The following DAPK2 variants were observed in gnomAD, a reference collection of about 807,000 sequenced individuals.
The protein encoded by DAPK2 is death-associated protein kinase 2.
A neutral mutation model predicts 44.1 loss-of-function variants in DAPK2; 35 were observed. The ratio of observed to expected loss-of-function variants is 0.79; its 90% CI spans 0.61 to 1.05. The LOEUF (loss-of-function observed/expected upper bound fraction) is 1.05, where lower values mean the gene tolerates loss of function less well. Ranked by LOEUF, DAPK2 falls within the 50% of genes least tolerant of loss-of-function variation. The probability of loss-of-function intolerance (pLI) is 0.00; values close to 1 mark genes in which losing one functional copy is unlikely to be tolerated. For missense variants in DAPK2, 453 were observed against 483.2 expected (o/e 0.94, Z 0.59); for synonymous variants, 174 against 182.6 (o/e 0.95, Z 0.38).
At chr15:63,960,833 G>A (rs2077878976) in intron 3 of DAPK2, among the ~76,000 whole-genome samples, 1 of 146,154 alleles carries the variant, frequency 6.8e-6, no homozygotes, top group Non-Finnish European at 1.5e-5. Flanking sequence ...GTTGATTTGG[G>A]GTGGAGAGTT....
upstream of DAPK2, among the ~76,000 whole-genome samples, chr15:64,041,303 C>T (rs1377227329): frequency 1.3e-5 from 2 of 152,190 alleles, no homozygotes; most frequent in Admixed American, 1.3e-4. Flanking sequence ...GTCAGAAGGG[C>T]CTCAGTGTCC....
At chr15:63,935,105 TC>T (rs1240780972) in intron 4 of DAPK2, among the ~76,000 whole-genome samples, 3 of 150,224 alleles carry the variant, frequency 2.0e-5, no homozygotes, top group Non-Finnish European at 3.0e-5. Flanking sequence ...TTTTTTTTTT[TC>T]CTGATACACG....
rs567209501 is a variant in DAPK2, at chr15:63,939,406, A to G, written c.454-45T>C. On this transcript the variant is annotated intron_variant, in intron 3 of 10. Transcript: ENST00000261891. The surrounding 1 kb of genome is among the most constrained non-coding windows in gnomAD (Gnocchi z 4.3). The stretch of plus-strand genomic sequence containing the variant: ...AAAAAAAAAAAGGAAGGAAGAAAAG[A>G]AAAAAAAAGACGGTAATTAAAGGCT... 161 of 1,517,848 alleles carry G rather than the reference A, an allele frequency of 1.1e-4. No individual in the cohort carries two copies. In the South Asian group the frequency reaches 1.9e-3, roughly 18 times the overall value. The allele number at this position is 1,517,848 out of a possible 1,614,324, so 94.0% of individuals were successfully genotyped here. A position where few individuals can be genotyped will look rare whatever the true frequency, so the allele number is the denominator to read the frequency against.
intron 1 of DAPK2, among the ~76,000 whole-genome samples, chr15:63,989,741 G>A (rs562021681): frequency 9.4e-4 from 143 of 152,200 alleles, no homozygotes; most frequent in Middle Eastern, 3.4e-3. Context: ...GCCCAGGCTG[G>A]AGTACAGTGG....
chr15:63,962,432 T>A (rs2077932518), intron 3 of DAPK2, among the ~76,000 whole-genome samples: 1 of 152,214 alleles, frequency 6.6e-6, no homozygotes, highest in Non-Finnish European at 1.5e-5. Context: ...GCCCTCTGAT[T>A]TCTAGAATTT....
At chr15:64,000,794 G>T (rs2079064525) in intron 1 of DAPK2, among the ~76,000 whole-genome samples, 1 of 152,110 alleles carries the variant, frequency 6.6e-6, no homozygotes, top group Non-Finnish European at 1.5e-5. Flanking sequence ...TGATGACAAA[G>T]TGTCTGATGA....
At chr15:64,017,430 C>G (rs998090039) in intron 1 of DAPK2, among the ~76,000 whole-genome samples, 10 of 152,210 alleles carry the variant, frequency 6.6e-5, no homozygotes, top group Non-Finnish European at 8.8e-5. Context: ...GCTGTCCAAC[C>G]CTCCACCGAG....
At chr15:63,925,499 G>A (rs1255637425) in intron 7 of DAPK2, among the ~76,000 whole-genome samples, 1 of 152,068 alleles carries the variant, frequency 6.6e-6, no homozygotes, top group Non-Finnish European at 1.5e-5. Context: ...AAGGGATAGG[G>A]TTAGCATGTC....
At chr15:64,008,943 C>G (rs1483171922) in intron 1 of DAPK2, among the ~76,000 whole-genome samples, 2 of 152,112 alleles carry the variant, frequency 1.3e-5, no homozygotes, top group Admixed American at 6.5e-5. Context: ...AGGGTAGGAT[C>G]CCCTTTTCAG....
exon 7 of DAPK2, chr15:63,925,979 G>C: frequency 1.2e-6 from 2 of 1,614,164 alleles, no homozygotes; most frequent in Non-Finnish European, 1.7e-6. Flanking sequence ...TAAAGTCCTT[G>C]GCCAGCTCGC....
chr15:63,925,390 C>T (rs2079213291), intron 7 of DAPK2, among the ~76,000 whole-genome samples: 1 of 152,064 alleles, frequency 6.6e-6, no homozygotes, highest in Non-Finnish European at 1.5e-5. Context: ...TTTCTTCCTG[C>T]CCCATCCAGA....
chr15:63,953,838 T>G (rs1340130228), intron 3 of DAPK2, among the ~76,000 whole-genome samples: 1 of 152,234 alleles, frequency 6.6e-6, no homozygotes. Context: ...GATGTCTCAC[T>G]GGAGTTTTGA....
At chr15:63,974,361 T>C (rs1387568069) in intron 2 of DAPK2, among the ~76,000 whole-genome samples, 1 of 152,206 alleles carries the variant, frequency 6.6e-6, no homozygotes. Context: ...AGCTTGATTT[T>C]ATACATTTTA....
At chr15:63,931,681 C>A (rs564532057) in intron 4 of DAPK2, among the ~76,000 whole-genome samples, 2 of 152,102 alleles carry the variant, frequency 1.3e-5, no homozygotes, top group Non-Finnish European at 2.9e-5. Context: ...AGAGCCATCA[C>A]GTTTGGAGCC....
At chr15:64,028,764 G>C (rs1017594393) in intron 1 of DAPK2, among the ~76,000 whole-genome samples, 2 of 151,780 alleles carry the variant, frequency 1.3e-5, no homozygotes, top group Admixed American at 6.6e-5. Context: ...TAGGCAGGTA[G>C]ACAGACAGAC....
chr15:63,965,556 C>A (rs146445151), intron 3 of DAPK2, among the ~76,000 whole-genome samples: 7 of 152,224 alleles, frequency 4.6e-5, no homozygotes, highest in South Asian at 2.1e-4. Flanking sequence ...GAGCTTCCCC[C>A]CCTTGGGTGG....
At chr15:64,042,934 T>C (rs2080382107), upstream of DAPK2, among the ~76,000 whole-genome samples, 1 of 152,220 alleles carries the variant, frequency 6.6e-6, no homozygotes, top group African/African-American at 2.4e-5. This position sits in a 1 kb window ranked among gnomAD's most constrained non-coding sequence, Gnocchi z 4.7. Flanking sequence ...CTTCAAGTTC[T>C]CCCAGAGTGC....
At chr15:63,972,163 G>A (rs1387701138) in intron 2 of DAPK2, among the ~76,000 whole-genome samples, 4 of 152,214 alleles carry the variant, frequency 2.6e-5, no homozygotes, top group Non-Finnish European at 5.9e-5. Context: ...CCAGGACTGT[G>A]AGAAATAAAT....
Position 64,013,924 on chromosome 15 carries a change from GC to G in DAPK2, c.92+26245del, listed in dbSNP as rs558560904. 7.0e-4 allele frequency among the ~76,000 whole-genome samples: 107 copies of G among 152,286 alleles called. No homozygotes were observed. The highest frequency in any genetic ancestry group is 2.5e-3 in the African/African-American group (103 of 41,558). On this transcript the variant is annotated intron_variant, in intron 1 of 10. Coordinates refer to ENST00000261891, the Ensembl canonical transcript of DAPK2. The surrounding 1 kb of genome is among the most constrained non-coding windows in gnomAD (Gnocchi z 4.7). ...TCATTTCACTTAGAAAATGGGAGAG[GC>G]CCCAACCTTCTCTGGGTGTGGCTGG...
Sources: allele counts gnomAD v4.1 joint callset (sites outside exome capture counted in the v4.1 genomes callset), GRCh38; gene constraint gnomAD v4.1.1; non-coding constraint Gnocchi (gnomAD v3.1); transcripts MANE v1.5; gene names NCBI Gene and HGNC (gene_info 2026-07-23, HGNC 2026-07-21).